The following USH2A variants were observed in gnomAD, a reference collection of about 807,000 sequenced individuals.
The protein encoded by USH2A is Usher syndrome 2A (autosomal recessive, mild).
A neutral mutation model predicts 538.9 loss-of-function variants in USH2A; 443 were observed. The observed-to-expected ratio is 0.82, with a 90% CI of 0.76 to 0.89. USH2A has a LOEUF of 0.89. USH2A is among the 40% of genes least tolerant of loss of function. The pLI, the probability that USH2A is intolerant of heterozygous loss-of-function variation, is 0.00. For synonymous variants in USH2A, 2,413 were observed against 2,273.5 expected (o/e 1.06, Z -1.75); for missense variants, 6,633 against 6,324.8 (o/e 1.05, Z -1.65).
intron 9 of USH2A, among the ~76,000 whole-genome samples, chr1:216,312,859 GT>G (rs1453994544): frequency 2.6e-5 from 4 of 152,040 alleles, no homozygotes; most frequent in African/African-American, 9.7e-5. Context: ...TGTTTTTGGT[GT>G]TTTAGTGTGC....
intron 32 of USH2A, among the ~76,000 whole-genome samples, chr1:216,042,269 T>C (rs1486262464): frequency 6.6e-6 from 1 of 152,074 alleles, no homozygotes; most frequent in Non-Finnish European, 1.5e-5. Flanking sequence ...CCATCAAATA[T>C]TATGAGTTTC....
chr1:215,673,422 GT>G (rs1456195517), intron 63 of USH2A, among the ~76,000 whole-genome samples: 1 of 152,148 alleles, frequency 6.6e-6, no homozygotes, highest in African/African-American at 2.4e-5. Context: ...GGGGATGTAA[GT>G]TACTTAAAAT....
chr1:215,638,382 G>C (rs1211610296), intron 69 of USH2A, among the ~76,000 whole-genome samples: 1 of 152,156 alleles, frequency 6.6e-6, no homozygotes, highest in Non-Finnish European at 1.5e-5. Context: ...CACTTTGGGA[G>C]GCCAAGGTGG....
At chr1:216,164,740 GAAGTATCAAC>G (rs955601843) in intron 21 of USH2A, among the ~76,000 whole-genome samples, 19 of 152,212 alleles carry the variant, frequency 1.2e-4, no homozygotes, top group Non-Finnish European at 2.5e-4. Context: ...AGGTCATAAA[GAAGTATCAAC>G]AAGATTTATG....
intron 32 of USH2A, among the ~76,000 whole-genome samples, chr1:216,003,838 CT>C (rs1668329954): frequency 6.6e-6 from 1 of 152,154 alleles, no homozygotes; most frequent in Non-Finnish European, 1.5e-5. Flanking sequence ...ATCATCCTGG[CT>C]GCCAGACGTA....
intron 31 of USH2A, among the ~76,000 whole-genome samples, chr1:216,047,197 T>G (rs1298192205): frequency 6.6e-6 from 1 of 152,080 alleles, no homozygotes; most frequent in Non-Finnish European, 1.5e-5. Context: ...TCGTGGATAT[T>G]TAGAAGTTTG....
chr1:215,792,829 A>G (rs1662018190), intron 50 of USH2A, among the ~76,000 whole-genome samples: 1 of 152,220 alleles, frequency 6.6e-6, no homozygotes, highest in Admixed American at 6.5e-5. Context: ...AATATGCCCA[A>G]AGAAAAACAA....
At chr1:216,399,277 G>A (rs999506246) in intron 3 of USH2A, among the ~76,000 whole-genome samples, 21 of 152,120 alleles carry the variant, frequency 1.4e-4, no homozygotes, top group Non-Finnish European at 1.0e-4. Context: ...AGGAGGGAAT[G>A]AACCTCTCCA....
chr1:215,650,893 C>T, intron 64 of USH2A, 92 bp from the exon 65 acceptor site: 2 of 1,337,406 alleles, frequency 1.5e-6, no homozygotes, highest in Non-Finnish European at 1.0e-6. Context: ...ACGAAATTGG[C>T]AACCAAAAGC....
At chr1:216,010,375 C>T (rs59817653) in intron 32 of USH2A, among the ~76,000 whole-genome samples, 1,697 of 152,208 alleles carry the variant, frequency 0.011, 42 homozygotes, top group African/African-American at 0.037. Context: ...CACTGGAAAT[C>T]GGACTGTTCA....
chr1:215,666,294 T>G (rs1657600015), intron 64 of USH2A, among the ~76,000 whole-genome samples: 1 of 17,492 alleles, frequency 5.7e-5, no homozygotes, highest in African/African-American at 7.0e-5. Flanking sequence ...TGAGGAAGAT[T>G]AAAATAAATT....
intron 40 of USH2A, among the ~76,000 whole-genome samples, chr1:215,892,374 A>G (rs1665232318): frequency 6.6e-6 from 1 of 152,190 alleles, no homozygotes; most frequent in Non-Finnish European, 1.5e-5. Context: ...TCTTTTTGGT[A>G]ATATTAACTC....
intron 11 of USH2A, among the ~76,000 whole-genome samples, chr1:216,284,363 T>C (rs2036841629): frequency 6.6e-6 from 1 of 152,036 alleles, no homozygotes; most frequent in South Asian, 2.1e-4. Flanking sequence ...ATCTGATGGT[T>C]TTATAAGGAA....
At chr1:215,658,931 A>G (rs1394367839) in intron 64 of USH2A, among the ~76,000 whole-genome samples, 2 of 152,226 alleles carry the variant, frequency 1.3e-5, no homozygotes, top group Non-Finnish European at 2.9e-5. Context: ...AATTGTGATT[A>G]ACATCTCCGT....
At chr1:215,689,970 C>T (rs747967765) in intron 61 of USH2A, among the ~76,000 whole-genome samples, 7 of 152,096 alleles carry the variant, frequency 4.6e-5, no homozygotes, top group Non-Finnish European at 8.8e-5. Flanking sequence ...TTATATATAG[C>T]AGTAATATAT....
In USH2A at chr1:215,648,518, G is replaced by A; in HGVS notation, c.14582+10C>T. The A allele has an allele frequency of 6.2e-7, 1 of 1,612,874 alleles. No individual in the cohort carries two copies. Among genetic ancestry groups the A allele is most frequent in the Non-Finnish European group, 8.5e-7 (1 of 1,178,902 alleles). Reference sequence around the variant, plus strand: ...TGTTAGTTTCTTCATCCTTCTGCCTGACCCATTACCTGTGAATGACACCAT... The same window carrying A: ...TGTTAGTTTCTTCATCCTTCTGCCTAACCCATTACCTGTGAATGACACCAT... On this transcript the variant is annotated intron_variant, in intron 66 of 71. Transcript: ENST00000307340.
At chr1:216,289,997 T>C (rs2036971226) in intron 10 of USH2A, among the ~76,000 whole-genome samples, 1 of 152,230 alleles carries the variant, frequency 6.6e-6, no homozygotes, top group South Asian at 2.1e-4. Context: ...TCATACTAAA[T>C]ACTAGAATAG....
chr1:215,960,450 A>T (rs1182525877), intron 37 of USH2A, among the ~76,000 whole-genome samples: 1 of 152,112 alleles, frequency 6.6e-6, no homozygotes, highest in Non-Finnish European at 1.5e-5. Flanking sequence ...TGTGTGAAAA[A>T]ATACTGAAGA....
intron 11 of USH2A, among the ~76,000 whole-genome samples, chr1:216,259,996 G>A (rs1007120209): frequency 1.3e-5 from 2 of 152,006 alleles, no homozygotes; most frequent in Non-Finnish European, 2.9e-5. Flanking sequence ...AGGCTGATTT[G>A]GATTCCTAAA....
Sources: gnomAD v4.1 joint callset for allele counts (sites outside exome capture counted in the v4.1 genomes callset) on GRCh38, gnomAD v4.1.1 for gene constraint, MANE v1.5 for transcripts, NCBI Gene and HGNC (gene_info 2026-07-23, HGNC 2026-07-21) for gene names.